The following KLF8 variants were observed in gnomAD, a reference collection of about 807,000 sequenced individuals.
KLF8 encodes Krueppel-like factor 8.
Under a neutral mutation model 18.2 loss-of-function variants are expected in KLF8, and 10 were observed. The observed-to-expected ratio is 0.55, with a 90% CI of 0.34 to 0.93. KLF8 has a LOEUF of 0.93. Ranked by LOEUF, KLF8 falls within the 40% of genes least tolerant of loss-of-function variation. KLF8 has a pLI of 0.02. For synonymous variants in KLF8, 109 were observed against 97.3 expected, an observed-to-expected ratio of 1.12 and a Z score of -0.71; for missense variants, 264 against 277.9, an observed-to-expected ratio of 0.95 and a Z score of 0.36.
chrX:55,932,553 T>A, the KLF8 span, among the ~76,000 whole-genome samples: 1 of 111,795 alleles, frequency 8.9e-6, no homozygotes, highest in Middle Eastern at 4.6e-3. Context: ...GCTCTTGTAA[T>A]GCAGGCCTGG....
At chrX:56,153,190 G>C in the KLF8 span, among the ~76,000 whole-genome samples, 2 of 110,414 alleles carry the variant, frequency 1.8e-5, no homozygotes, top group Non-Finnish European at 3.8e-5. Context: ...TTTCCCAAAA[G>C]AAATTAGGCT....
At chrX:56,202,845 C>T in the KLF8 span, among the ~76,000 whole-genome samples, 1 of 110,717 alleles carries the variant, frequency 9.0e-6, no homozygotes, top group African/African-American at 3.3e-5. Context: ...CTGTTAGGTC[C>T]CTTCCAAATC....
At chrX:56,163,739 A>G in the KLF8 span, among the ~76,000 whole-genome samples, 2 of 112,174 alleles carry the variant, frequency 1.8e-5, no homozygotes, top group East Asian at 2.8e-4. Flanking sequence ...AGGGTTTTAC[A>G]TTTAAGTCTG....
At chrX:56,073,932 A>G in the KLF8 span, among the ~76,000 whole-genome samples, 2 of 111,283 alleles carry the variant, frequency 1.8e-5, no homozygotes. Context: ...TTTTTAGTAG[A>G]GACGGGGGTT....
At chrX:56,147,739 G>A in the KLF8 span, among the ~76,000 whole-genome samples, 1 of 112,245 alleles carries the variant, frequency 8.9e-6, no homozygotes, top group Admixed American at 9.4e-5. Flanking sequence ...AGCACTTTGG[G>A]AGACCGAGGT....
chrX:56,225,227 A>G, the KLF8 span, among the ~76,000 whole-genome samples: 9 of 111,330 alleles, frequency 8.1e-5, no homozygotes, highest in Admixed American at 8.6e-4. Context: ...TTTTTTCATT[A>G]TTATATTTAA....
the KLF8 span, among the ~76,000 whole-genome samples, chrX:56,181,642 T>C: frequency 8.9e-6 from 1 of 111,852 alleles, no homozygotes; most frequent in Non-Finnish European, 1.9e-5. Flanking sequence ...TCAGGAGCTC[T>C]TGAAAGGCAG....
chrX:55,968,081 G>A, the KLF8 span, among the ~76,000 whole-genome samples: 4 of 110,849 alleles, frequency 3.6e-5, no homozygotes, highest in Non-Finnish European at 7.6e-5. Flanking sequence ...TGGAAAATCA[G>A]CAAAGAAACA....
chrX:56,053,129 C>A, the KLF8 span, among the ~76,000 whole-genome samples: 1 of 112,072 alleles, frequency 8.9e-6, no homozygotes, highest in African/African-American at 3.3e-5. Flanking sequence ...CTTCGGCTTG[C>A]GCACGGTGCC....
rs1429779181 is a variant in KLF8, at chrX:56,270,378, ACAC to A, written c.898+58_898+60del. 4.2e-4 allele frequency: 405 copies of A among 956,517 alleles called. 1 individual carries two copies. The African/African-American group carries it at 0.019, about 44-fold the overall frequency. The allele number at this position is 956,517 out of a possible 1,213,427, so 78.8% of individuals were successfully genotyped here. ...CACACACACACACACACACACACACACACGAGAGAGAGAGAGAGAGAGGGGCAG... is the reference window on the plus strand; with the variant it reads ...CACACACACACACACACACACACACAGAGAGAGAGAGAGAGAGAGGGGCAG... On this transcript the variant is annotated intron_variant, in intron 5 of 5. Transcript: ENST00000468660.
the KLF8 span, among the ~76,000 whole-genome samples, chrX:56,157,021 T>G: frequency 4.6e-5 from 5 of 107,859 alleles, no homozygotes; most frequent in Non-Finnish European, 7.6e-5. Context: ...TAAGAAAATG[T>G]GGCACATATA....
chrX:56,192,904 G>A, the KLF8 span, among the ~76,000 whole-genome samples: 2 of 112,499 alleles, frequency 1.8e-5, no homozygotes, highest in African/African-American at 6.4e-5. Context: ...AAATCTCCAG[G>A]ACTTTGGCCT....
At chrX:56,185,991 A>G in the KLF8 span, among the ~76,000 whole-genome samples, 1 of 112,231 alleles carries the variant, frequency 8.9e-6, no homozygotes, top group Admixed American at 9.5e-5. Flanking sequence ...ACCAGCTAAC[A>G]TCATAATGAC....
chrX:56,264,458 T>C (rs891807172), intron 2 of KLF8, among the ~76,000 whole-genome samples: 4 of 110,675 alleles, frequency 3.6e-5, no homozygotes, highest in Non-Finnish European at 5.7e-5. Context: ...AATTTATTTA[T>C]TAGTTTAAAT....
the KLF8 span, among the ~76,000 whole-genome samples, chrX:56,189,851 CA>C: frequency 9.2e-5 from 7 of 75,930 alleles, no homozygotes; most frequent in African/African-American, 3.8e-4. Context: ...AGGGGAACAT[CA>C]CACTCTGGGG....
the KLF8 span, among the ~76,000 whole-genome samples, chrX:55,988,817 A>G: frequency 9.0e-6 from 1 of 111,555 alleles, no homozygotes; most frequent in East Asian, 2.8e-4. Flanking sequence ...CATGATATTG[A>G]TTCTCCCTAC....
the KLF8 span, among the ~76,000 whole-genome samples, chrX:56,116,634 G>GAGATATATAT: frequency 1.4e-4 from 11 of 78,157 alleles, no homozygotes; most frequent in African/African-American, 5.3e-4. Context: ...ATGATGTTCT[G>GAGATATATAT]ATATATATAT....
the KLF8 span, among the ~76,000 whole-genome samples, chrX:56,041,782 T>C: frequency 9.0e-6 from 1 of 111,171 alleles, no homozygotes; most frequent in Non-Finnish European, 1.9e-5. Context: ...CTCCACCTCT[T>C]GGGTTCAAGG....
the KLF8 span, among the ~76,000 whole-genome samples, chrX:55,964,346 C>T: frequency 8.9e-6 from 1 of 112,214 alleles, no homozygotes; most frequent in East Asian, 2.8e-4. Context: ...GAGGCCAAGA[C>T]AGGTGGATCA....
Sources: allele counts gnomAD v4.1 joint callset (sites outside exome capture counted in the v4.1 genomes callset), GRCh38; gene constraint gnomAD v4.1.1; transcripts MANE v1.5; gene names NCBI Gene and HGNC (gene_info 2026-07-23, HGNC 2026-07-21).